The following PGGT1B variants were observed in gnomAD, a reference collection of about 807,000 sequenced individuals.
The protein encoded by PGGT1B is geranylgeranyl transferase type-1 subunit beta.
PGGT1B carries 30 observed loss-of-function variants against 46.1 expected under a neutral mutation model. The observed-to-expected ratio is 0.65, with a 90% CI of 0.49 to 0.88. PGGT1B has a LOEUF of 0.88. Among genes scored for constraint, PGGT1B ranks in the 40% least tolerant of loss-of-function variants. The pLI, the probability that PGGT1B is intolerant of heterozygous loss-of-function variation, is 0.00. For missense variants in PGGT1B, 376 were observed against 455.9 expected (o/e 0.82, Z 1.60); for synonymous variants, 170 against 160.0 (o/e 1.06, Z -0.47).
intron 1 of PGGT1B, among the ~76,000 whole-genome samples, chr5:115,260,058 T>C (rs967430655): frequency 6.6e-6 from 1 of 152,168 alleles, no homozygotes; most frequent in African/African-American, 2.4e-5. Context: ...AGATTTAATA[T>C]TCACTTGGAT....
intron 7 of PGGT1B, among the ~76,000 whole-genome samples, chr5:115,220,515 C>G (rs1304188264): frequency 6.6e-6 from 1 of 151,802 alleles, no homozygotes; most frequent in Non-Finnish European, 1.5e-5. Flanking sequence ...AAAAGTTTTG[C>G]ATGGTAGTGA....
intron 1 of PGGT1B, among the ~76,000 whole-genome samples, chr5:115,258,839 A>G (rs1001359322): frequency 2.0e-5 from 3 of 152,208 alleles, no homozygotes; most frequent in Admixed American, 1.3e-4. Flanking sequence ...GAAATGCAGC[A>G]TCTCCGGCTC....
At chr5:115,245,668 T>C (rs568420253) in intron 2 of PGGT1B, among the ~76,000 whole-genome samples, 11 of 152,312 alleles carry the variant, frequency 7.2e-5, no homozygotes, top group African/African-American at 2.4e-4. Context: ...CAGGAAGAAA[T>C]GAATAGCTTT....
At position 115,260,260 on chromosome 5, in the gene PGGT1B, T is replaced by G. The variant is rs77423040; in HGVS notation, c.140+2452A>C. Among the ~76,000 whole-genome samples the G allele has an allele frequency of 7.0e-3, 1,071 of 152,218 alleles. 17 individuals are homozygous for G. Among genetic ancestry groups the G allele is most frequent in the African/African-American group, 0.025 (1,028 of 41,526 alleles). On this transcript the variant is annotated intron_variant, in intron 1 of 8. Transcript: ENST00000419445. ...AAAATGGTGAATCTGAAAATAAGTGTCTAAATATCCAGTCTAATATTAGCC... is the reference window on the plus strand; with the variant it reads ...AAAATGGTGAATCTGAAAATAAGTGGCTAAATATCCAGTCTAATATTAGCC...
chr5:115,217,949 G>T (rs1369160098), intron 7 of PGGT1B, among the ~76,000 whole-genome samples: 2 of 151,874 alleles, frequency 1.3e-5, no homozygotes, highest in East Asian at 3.9e-4. Context: ...CCCATAATAA[G>T]TGTTGATTAC....
chr5:115,262,740 C>A lies in PGGT1B; in HGVS notation c.112G>T (p.Glu38Ter). Residue 38 changes from glutamate (E) to a stop codon, truncating the protein, a stop_gained, in exon 1 of 9, where the codon GAG (glutamate) becomes TAG (stop). Transcript: ENST00000419445. LOFTEE classifies it high-confidence loss of function. The stretch of plus-strand genomic sequence containing the variant: ...CTTGTCTCGAGTGAAGAATAGCGCT[C>A]CGGCAAAACCTGGAGGCAGCGCTGG... ...FFQRCLQVLP[E>*]RYSSLETSRL... 6.2e-7 allele frequency: 1 copy of A among 1,612,434 alleles called. No homozygotes were observed. The highest frequency in any genetic ancestry group is 2.2e-5 in the East Asian group (1 of 44,746).
intron 2 of PGGT1B, among the ~76,000 whole-genome samples, chr5:115,248,519 T>A (rs978306537): frequency 6.6e-6 from 1 of 152,194 alleles, no homozygotes; most frequent in Non-Finnish European, 1.5e-5. Context: ...CCATTGTGTT[T>A]CCCGAATACT....
At chr5:115,218,028 T>C (rs1756473468) in intron 7 of PGGT1B, among the ~76,000 whole-genome samples, 1 of 151,910 alleles carries the variant, frequency 6.6e-6, no homozygotes, top group Admixed American at 6.6e-5. Context: ...ATTGAACAAA[T>C]ATATGAATGT....
intron 7 of PGGT1B, among the ~76,000 whole-genome samples, chr5:115,217,363 TA>T (rs1342410102): frequency 6.7e-6 from 1 of 150,008 alleles, no homozygotes; most frequent in Non-Finnish European, 1.5e-5. Flanking sequence ...TAACTGGAAT[TA>T]AAAATATTTT....
chr5:115,247,692 A>G lies in PGGT1B; in HGVS notation c.259+5445T>C, dbSNP rs3792862. Among the ~76,000 whole-genome samples, 6 of 152,214 alleles carry G rather than the reference A, an allele frequency of 3.9e-5. No individual in the cohort carries two copies. In the East Asian group the frequency reaches 9.6e-4, roughly 24 times the overall value. ...TCAATAGCTAAAAAAAAAATTTTAA[A>G]TATACCTATTTTCCACATTTCACAC... On this transcript the variant is annotated intron_variant, in intron 2 of 8. Transcript: ENST00000419445.
chr5:115,247,135 T>C (rs963428463), intron 2 of PGGT1B, among the ~76,000 whole-genome samples: 1 of 152,208 alleles, frequency 6.6e-6, no homozygotes, highest in Non-Finnish European at 1.5e-5. Context: ...TAAAACTTAG[T>C]GTTTTACTAT....
rs1756108649 is a variant in PGGT1B at position 115,207,879 on chromosome 5, G to C, written c.*4523C>G. 6.6e-6 allele frequency: 1 copy of C among 152,054 alleles called. No individual in the cohort carries two copies. Among genetic ancestry groups the C allele is most frequent in the South Asian group, 2.1e-4 (1 of 4,820 alleles). 9.4% of individuals were successfully genotyped at this position (152,054 alleles called of 1,614,324 possible). On this transcript the variant is annotated 3_prime_UTR_variant, in exon 9 of 9. Coordinates refer to ENST00000419445, the MANE Select transcript of PGGT1B (RefSeq NM_005023.4). Reference sequence around the variant, plus strand: ...AAGTCTCCTTTGCTTTGAAATTTAAGATGCTGGCTTTTAGGTAGAGGTACA... The same window carrying C: ...AAGTCTCCTTTGCTTTGAAATTTAACATGCTGGCTTTTAGGTAGAGGTACA...
Position 115,235,037 on chromosome 5 carries a change from A to T in PGGT1B, c.612+1353T>A, listed in dbSNP as rs146077468. Among the ~76,000 whole-genome samples, 168 of 152,142 alleles carry T rather than the reference A, an allele frequency of 1.1e-3. 1 individual carries two copies. Among genetic ancestry groups the T allele is most frequent in the African/African-American group, 3.9e-3 (164 of 41,568 alleles). ...AGAATAACCAAGGCTCCTCAAAGAA[A>T]TGACTGATTCCAGAGCTGAGGATGG... On this transcript the variant is annotated intron_variant, in intron 5 of 8. Coordinates refer to ENST00000419445, the MANE Select transcript of PGGT1B (RefSeq NM_005023.4).
chr5:115,220,428 G>C (rs914016125), intron 7 of PGGT1B, among the ~76,000 whole-genome samples: 2 of 151,850 alleles, frequency 1.3e-5, no homozygotes, highest in East Asian at 1.9e-4. Flanking sequence ...GAGCAGAGGA[G>C]AGGTTACCAG....
chr5:115,254,512 T>C (rs1158332723), intron 1 of PGGT1B, among the ~76,000 whole-genome samples: 4 of 152,026 alleles, frequency 2.6e-5, no homozygotes, highest in African/African-American at 9.7e-5. Context: ...CTCAAACCGT[T>C]TCTGATTTTG....
At chr5:115,221,295 G>A (rs140617992) in intron 7 of PGGT1B, among the ~76,000 whole-genome samples, 192 of 151,996 alleles carry the variant, frequency 1.3e-3, no homozygotes, top group African/African-American at 4.3e-3. Context: ...ATAACCTTAC[G>A]GAATTAGGTA....
intron 6 of PGGT1B, among the ~76,000 whole-genome samples, chr5:115,228,989 G>C (rs985161182): frequency 2.0e-5 from 3 of 152,060 alleles, no homozygotes; most frequent in African/African-American, 7.2e-5. Flanking sequence ...CTTTTCCAAA[G>C]ACAGTAACAA....
chr5:115,230,266 G>A (rs1047143479), intron 6 of PGGT1B, among the ~76,000 whole-genome samples: 3 of 151,994 alleles, frequency 2.0e-5, no homozygotes, highest in African/African-American at 4.8e-5. Flanking sequence ...GCAAAGGGAT[G>A]GAGATAACAA....
At chr5:115,244,209 T>G (rs1461536187) in intron 2 of PGGT1B, among the ~76,000 whole-genome samples, 1 of 152,076 alleles carries the variant, frequency 6.6e-6, no homozygotes, top group East Asian at 1.9e-4. Flanking sequence ...CTCATGCCTG[T>G]AATCCCAGCA....
Sources: gnomAD v4.1 joint callset for allele counts (sites outside exome capture counted in the v4.1 genomes callset) on GRCh38, gnomAD v4.1.1 for gene constraint, MANE v1.5 for transcripts, NCBI Gene and HGNC (gene_info 2026-07-23, HGNC 2026-07-21) for gene names.